Variants in AKAP8L observed in about 807,000 individuals in gnomAD.
AKAP8L encodes the protein A-kinase anchor protein 8-like.
AKAP8L carries 34 observed loss-of-function variants against 77.5 expected under a neutral mutation model. That is an observed-to-expected ratio of 0.44 (90% CI 0.33 to 0.58). The LOEUF is 0.58. AKAP8L is among the 20% of genes least tolerant of loss of function. The probability of loss-of-function intolerance (pLI) is 0.02; values close to 1 mark genes in which losing one functional copy is unlikely to be tolerated. For missense variants in AKAP8L, 806 were observed against 887.6 expected, an observed-to-expected ratio of 0.91 and a Z score of 1.17; for synonymous variants, 342 against 340.7, an observed-to-expected ratio of 1.00 and a Z score of -0.04.
chr19:15,415,241 G>A (rs554960268), intron 1 of AKAP8L, among the ~76,000 whole-genome samples: 50 of 152,160 alleles, frequency 3.3e-4, no homozygotes, highest in Admixed American at 1.4e-3. Flanking sequence ...CAAGACCTGC[G>A]TGGCAACATA....
chr19:15,394,393 G>A (rs1967726002), intron 12 of AKAP8L, among the ~76,000 whole-genome samples: 1 of 152,168 alleles, frequency 6.6e-6, no homozygotes, highest in Non-Finnish European at 1.5e-5. Context: ...TAGATTAGTA[G>A]CTGCCTAAGG....
intron 12 of AKAP8L, among the ~76,000 whole-genome samples, chr19:15,387,431 G>A (rs983393307): frequency 1.3e-5 from 2 of 152,074 alleles, no homozygotes. Flanking sequence ...AAAATTAAAA[G>A]GACATTGATA....
rs748554800 is a variant in AKAP8L at position 15,401,017 on chromosome 19, G to A, written c.843C>T (p.Gly281=). The change falls in exon 6 of 14, where the codon GGC becomes GGT. Residue 281 remains glycine (G), a synonymous_variant. Transcript: ENST00000397410. This position sits in a 1 kb window ranked among gnomAD's most constrained non-coding sequence, Gnocchi z 6.2. ...TGCTATCTGGCTCATCAGGACTGCC[G>A]CCCTGCTTTCTCTTCTTCTTCTTGG... ...FRTKKKKRKQ[G]GSPDEPDSKA... is the part of the protein sequence containing the mutation. The A allele has an allele frequency of 5.0e-6, 8 of 1,613,608 alleles. No individual in the cohort carries two copies. Among genetic ancestry groups the A allele is most frequent in the Middle Eastern group, 1.6e-4 (1 of 6,084 alleles).
In AKAP8L at chr19:15,399,312, T is replaced by C; in HGVS notation, c.1147A>G (p.Met383Val). ...DKQKKRQRDRMVERIQFVCSL... is the reference protein window; with the variant it reads ...DKQKKRQRDRVVERIQFVCSL... ...AGGGAAGCTGGTTACCTTTCCACCA[T>C]GCGGTCTCGCTGCCGCTTTTTCTGC... The change falls in exon 9 of 14, where the codon ATG (methionine) becomes GTG (valine). Residue 383 changes from methionine (M) to valine (V), a missense_variant. Physicochemically the swap from Met to Val is conservative, Grantham distance 21. This residue lies in a region of AKAP8L where 580 missense variants were observed against 694.1 expected (regional missense o/e 0.84). Coordinates refer to ENST00000397410, the MANE Select transcript of AKAP8L (RefSeq NM_014371.4). This position sits in a 1 kb window ranked among gnomAD's most constrained non-coding sequence, Gnocchi z 6.1. The C allele has an allele frequency of 9.9e-6, 16 of 1,613,772 alleles. No individual in the cohort carries two copies. The highest frequency in any genetic ancestry group is 1.3e-5 in the Non-Finnish European group (15 of 1,179,756).
chr19:15,416,556 A>C lies in AKAP8L; in HGVS notation c.13+2355T>G, dbSNP rs909686939. Among the ~76,000 whole-genome samples the C allele has an allele frequency of 2.6e-5, 4 of 152,338 alleles. 1 individual carries two copies. In the South Asian group the frequency reaches 8.3e-4, roughly 32 times the overall value. ...CCTCCAGCCTCAGTCAGGCTTTCAGATGACTCTAGTCCACATAGAGATCCT... is the reference window on the plus strand; with the variant it reads ...CCTCCAGCCTCAGTCAGGCTTTCAGCTGACTCTAGTCCACATAGAGATCCT... On this transcript the variant is annotated intron_variant, in intron 1 of 13. Coordinates refer to ENST00000397410, the MANE Select transcript of AKAP8L (RefSeq NM_014371.4).
Position 15,403,435 on chromosome 19 carries a change from C to A in AKAP8L, c.362+40G>T, listed in dbSNP as rs772570798. 1.9e-5 allele frequency: 31 copies of A among 1,601,768 alleles called. No homozygotes were observed. Among genetic ancestry groups the A allele is most frequent in the Middle Eastern group, 1.7e-4 (1 of 6,006 alleles). ...CGCAGTGGGCAGCAGGCAGGAGCCG[C>A]CCCTGCAGAGTCTCAACCCCTAGGC... On this transcript the variant is annotated intron_variant, in intron 4 of 13. Coordinates refer to ENST00000397410, the MANE Select transcript of AKAP8L (RefSeq NM_014371.4). This position sits in a 1 kb window ranked among gnomAD's most constrained non-coding sequence, Gnocchi z 4.3.
chr19:15,394,959 CT>C (rs35112257), intron 12 of AKAP8L, among the ~76,000 whole-genome samples: 116,787 of 145,350 alleles, frequency 0.8, 46,912 homozygotes, highest in East Asian at 0.99. Context: ...ATGGCTTGTT[CT>C]TTTTTTTTTT....
At chr19:15,402,823 A>G (rs1328101687) in intron 4 of AKAP8L, among the ~76,000 whole-genome samples, 2 of 152,232 alleles carry the variant, frequency 1.3e-5, no homozygotes, top group Admixed American at 1.3e-4. Flanking sequence ...ACAAATGCCC[A>G]CAGCATGATG....
Position 15,403,839 on chromosome 19 carries a change from G to T in AKAP8L, c.122-124C>A. Reference sequence around the variant, plus strand: ...ACAGAGAGAGAAGACCCTAGCCACTGAAGCTAGATGGGCCCTGGTCATTCT... The same window carrying T: ...ACAGAGAGAGAAGACCCTAGCCACTTAAGCTAGATGGGCCCTGGTCATTCT... On this transcript the variant is annotated intron_variant, in intron 3 of 13. Transcript: ENST00000397410. The surrounding 1 kb of genome is among the most constrained non-coding windows in gnomAD (Gnocchi z 4.3). 9.3e-7 allele frequency: 1 copy of T among 1,074,894 alleles called. No individual in the cohort carries two copies. Among genetic ancestry groups the T allele is most frequent in the Non-Finnish European group, 1.4e-6 (1 of 726,642 alleles). 66.6% of individuals were successfully genotyped at this position (1,074,894 alleles called of 1,614,324 possible).
intron 2 of AKAP8L, among the ~76,000 whole-genome samples, chr19:15,406,747 G>A (rs530172359): frequency 3.0e-4 from 46 of 152,158 alleles, no homozygotes; most frequent in Non-Finnish European, 5.4e-4. Flanking sequence ...TTATAGGCAT[G>A]AGCCACTGCA....
In AKAP8L at chr19:15,380,700, C is replaced by CCCCGCCCCTGCACCCACGCACTT. The variant is rs1467971598; in HGVS notation, c.1537-111_1537-89dup. The CCCCGCCCCTGCACCCACGCACTT allele has an allele frequency of 7.2e-6, 9 of 1,249,938 alleles. No individual in the cohort carries two copies. In the Admixed American group the frequency reaches 1.7e-4, roughly 24 times the overall value. 77.4% of individuals were successfully genotyped at this position (1,249,938 alleles called of 1,614,324 possible). A position where few individuals can be genotyped will look rare whatever the true frequency, so the allele number is the denominator to read the frequency against. ...ACCCTGCCAGCTTAGAGGGACCCCA[C>CCCCGCCCCTGCACCCACGCACTT]CCCGCCCCTGCACCCACGCACTTCC... is the stretch of plus-strand genomic sequence containing the variant. On this transcript the variant is annotated intron_variant, in intron 12 of 13. Transcript: ENST00000397410.
intron 12 of AKAP8L, among the ~76,000 whole-genome samples, chr19:15,394,156 G>A (rs1181631017): frequency 6.6e-6 from 1 of 151,972 alleles, no homozygotes; most frequent in African/African-American, 2.4e-5. Flanking sequence ...ATAGCCAAAA[G>A]GTGAAAACAA....
intron 2 of AKAP8L, among the ~76,000 whole-genome samples, chr19:15,408,011 T>C (rs1304168234): frequency 6.6e-6 from 1 of 152,234 alleles, no homozygotes; most frequent in Non-Finnish European, 1.5e-5. Flanking sequence ...ACTGCATTGC[T>C]GGGCGAGGCG....
rs1216820818 is a variant in AKAP8L, at chr19:15,395,022, C to T, written c.1536+2128G>A. ...AGTTTATATTTTGCTATCACCTCTC[C>T]CGTATTTTCCAACTTTTTTTTTTTT... On this transcript the variant is annotated intron_variant, in intron 12 of 13. Transcript: ENST00000397410. Among the ~76,000 whole-genome samples the T allele has an allele frequency of 2.6e-5, 4 of 151,728 alleles. No individual in the cohort carries two copies. The East Asian group carries it at 7.8e-4, about 30-fold the overall frequency.
chr19:15,411,391 C>T (rs1968101919), intron 1 of AKAP8L, among the ~76,000 whole-genome samples: 1 of 151,762 alleles, frequency 6.6e-6, no homozygotes. Context: ...GGCAGTGGCT[C>T]ATGCCTGTAA....
chr19:15,387,915 C>T (rs1276130787), intron 12 of AKAP8L, among the ~76,000 whole-genome samples: 4 of 151,414 alleles, frequency 2.6e-5, no homozygotes, highest in East Asian at 3.9e-4. Flanking sequence ...GCCAAGATCG[C>T]GCCACTGCAT....
intron 2 of AKAP8L, among the ~76,000 whole-genome samples, chr19:15,404,780 G>T (rs1181006374): frequency 6.6e-6 from 1 of 152,172 alleles, no homozygotes; most frequent in Non-Finnish European, 1.5e-5. Flanking sequence ...CCAGGGCAGG[G>T]GACCGAAGCT....
Position 15,406,364 on chromosome 19 carries a change from A to G in AKAP8L, c.89-2322T>C, listed in dbSNP as rs1376907661. Among the ~76,000 whole-genome samples the G allele has an allele frequency of 1.8e-4, 20 of 112,942 alleles. No homozygotes were observed. In the East Asian group the frequency reaches 1.9e-3, roughly 11 times the overall value. 74.1% of individuals were successfully genotyped at this position (112,942 alleles called of 152,430 possible). On this transcript the variant is annotated intron_variant, in intron 2 of 13. Transcript: ENST00000397410. ...ATGGTTGACAAAAGAAATTTTAAGG[A>G]GAGAGAGAGAGAGAGAGAGAGAGAG...
At position 15,401,398 on chromosome 19, in the gene AKAP8L, C is replaced by A. The variant is rs565853529; in HGVS notation, c.568G>T (p.Gly190Cys). The A allele has an allele frequency of 6.2e-7, 1 of 1,613,234 alleles. No homozygotes were observed. The highest frequency in any genetic ancestry group is 8.5e-7 in the Non-Finnish European group (1 of 1,179,816). ...CCATAGCCTGAGGCCATTGGCCGGC[C>A]GCTCCGGGCATCCCGGGCCCAGCCC... ...AQGWARDARSGRPMASGYGRM... is the reference protein window; with the variant it reads ...AQGWARDARSCRPMASGYGRM... The change falls in exon 5 of 14, where the codon GGC becomes TGC. Residue 190 changes from glycine to cysteine, a missense_variant. Physicochemically the swap from Gly to Cys is radical, Grantham distance 159. Coordinates refer to ENST00000397410, the MANE Select transcript of AKAP8L (RefSeq NM_014371.4). This position sits in a 1 kb window ranked among gnomAD's most constrained non-coding sequence, Gnocchi z 6.2.
Sources: gnomAD v4.1 joint callset for allele counts (sites outside exome capture counted in the v4.1 genomes callset) on GRCh38, gnomAD v4.1.1 for gene constraint, gnomAD v4.1.1 regional missense constraint, Gnocchi (gnomAD v3.1) non-coding constraint, MANE v1.5 for transcripts, NCBI Gene and HGNC (gene_info 2026-07-23, HGNC 2026-07-21) for gene names.